The following SLC39A11 variants were observed in gnomAD, a reference collection of about 807,000 sequenced individuals.
The protein encoded by SLC39A11 is solute carrier family 39 member 11.
A neutral mutation model predicts 36.1 loss-of-function variants in SLC39A11; 33 were observed. The observed-to-expected ratio is 0.91, with a 90% confidence interval of 0.69 to 1.22. The LOEUF is 1.22. Ranked by LOEUF, SLC39A11 falls within the 50% of genes most tolerant of loss-of-function variation. The pLI is 0.00. For synonymous variants in SLC39A11, 166 were observed against 170.3 expected (o/e 0.97, Z 0.20); for missense variants, 432 against 430.3 (o/e 1.00, Z -0.03).
At chr17:72,797,669 C>T (rs1403666178) in intron 6 of SLC39A11, among the ~76,000 whole-genome samples, 4 of 152,122 alleles carry the variant, frequency 2.6e-5, no homozygotes, top group African/African-American at 7.3e-5. Context: ...CACTAACTCA[C>T]GGGATGCACA....
chr17:72,909,750 C>CTTT (rs56091262), intron 5 of SLC39A11, among the ~76,000 whole-genome samples: 9,106 of 144,564 alleles, frequency 0.063, 349 homozygotes, highest in Non-Finnish European at 0.078. Flanking sequence ...TTTCTTTTTT[C>CTTT]TTTTTTTTTT....
rs71154945 is a variant in SLC39A11 at position 73,020,680 on chromosome 17, C to CTTTTTTTTTTTT, written c.306+10864_306+10875dup. 3.0e-5 allele frequency among the ~76,000 whole-genome samples: 3 copies of CTTTTTTTTTTTT among 98,890 alleles called. 1 individual carries two copies. Among genetic ancestry groups the CTTTTTTTTTTTT allele is most frequent in the Non-Finnish European group, 1.9e-5 (1 of 53,992 alleles). 64.9% of individuals were successfully genotyped at this position (98,890 alleles called of 152,430 possible). A position where few individuals can be genotyped will look rare whatever the true frequency, so the allele number is the denominator to read the frequency against. On this transcript the variant is annotated intron_variant, in intron 4 of 9. Transcript: ENST00000255559. ...TTTTGGGGGGTCTTTTTGTTTCTTT[C>CTTTTTTTTTTTT]TTTTTTTTTTTTTTTTTTTTTGAGA... is the stretch of plus-strand genomic sequence containing the variant.
chr17:73,024,405 C>T (rs900965684), intron 4 of SLC39A11, among the ~76,000 whole-genome samples: 1 of 150,916 alleles, frequency 6.6e-6, no homozygotes, highest in African/African-American at 2.5e-5. Context: ...GCTTACTTGA[C>T]GATATCAGGC....
intron 6 of SLC39A11, among the ~76,000 whole-genome samples, chr17:72,773,948 T>C (rs1356504871): frequency 6.6e-6 from 1 of 152,136 alleles, no homozygotes. Flanking sequence ...CTGGGAAGCA[T>C]CTATGTTTCC....
chr17:72,814,712 A>T (rs1329226675), intron 6 of SLC39A11, among the ~76,000 whole-genome samples: 1 of 152,228 alleles, frequency 6.6e-6, no homozygotes. Flanking sequence ...TGATTCTAAT[A>T]GCATCTGTGC....
chr17:72,750,685 T>G (rs1412197888), intron 6 of SLC39A11, among the ~76,000 whole-genome samples: 1 of 152,014 alleles, frequency 6.6e-6, no homozygotes, highest in Non-Finnish European at 1.5e-5. Context: ...ATCACTAGTA[T>G]GTTTTGCTAC....
rs572595609 is a variant in SLC39A11, at chr17:72,798,687, T to A, written c.601+50947A>T. The stretch of plus-strand genomic sequence containing the variant: ...GGCATGAACCACCACACCCAGCCTG[T>A]CCCACTTCTTATAAGAACACTAATC... On this transcript the variant is annotated intron_variant, in intron 6 of 9. Transcript: ENST00000255559. 1.9e-4 allele frequency among the ~76,000 whole-genome samples: 29 copies of A among 152,024 alleles called. No individual in the cohort carries two copies. The East Asian group carries it at 5.6e-3, about 29-fold the overall frequency.
chr17:73,028,900 T>C (rs897380874), intron 4 of SLC39A11, among the ~76,000 whole-genome samples: 2 of 151,168 alleles, frequency 1.3e-5, no homozygotes, highest in Admixed American at 1.3e-4. Flanking sequence ...GGAGGATCAC[T>C]TGAGGTCAGG....
At chr17:73,053,546 C>T (rs1356004404) in intron 3 of SLC39A11, among the ~76,000 whole-genome samples, 1 of 152,164 alleles carries the variant, frequency 6.6e-6, no homozygotes, top group African/African-American at 2.4e-5. Context: ...TTCATCTGTA[C>T]AGCAATCCTA....
In SLC39A11 at chr17:72,922,989, AAC is replaced by A. The variant is rs1555633576; in HGVS notation, c.430+24761_430+24762del. Among the ~76,000 whole-genome samples, 40 of 144,558 alleles carry A rather than the reference AAC, an allele frequency of 2.8e-4. 2 individuals carry two copies. The highest frequency in any genetic ancestry group is 4.0e-4 in the East Asian group (2 of 4,960). The allele number at this position is 144,558 out of a possible 152,430, so 94.8% of individuals were successfully genotyped here. On this transcript the variant is annotated intron_variant, in intron 5 of 9. Transcript: ENST00000255559. ...AAAAAAAAAAAAAAAAAAAAAAAAA[AAC>A]ACACAGAAAATACGAAACCCCCTCT...
At chr17:72,688,479 T>C (rs2071859558) in intron 7 of SLC39A11, among the ~76,000 whole-genome samples, 1 of 152,232 alleles carries the variant, frequency 6.6e-6, no homozygotes, top group Non-Finnish European at 1.5e-5. Flanking sequence ...TGCCTTCAGC[T>C]GCCCTCCACT....
chr17:72,786,594 G>A (rs1568090811), intron 6 of SLC39A11, among the ~76,000 whole-genome samples: 1 of 152,084 alleles, frequency 6.6e-6, no homozygotes, highest in South Asian at 2.1e-4. Context: ...TGTTTTTCAG[G>A]ACTGAAGGAC....
intron 4 of SLC39A11, among the ~76,000 whole-genome samples, chr17:72,997,132 T>G (rs1005377406): frequency 2.0e-5 from 3 of 152,082 alleles, no homozygotes; most frequent in Admixed American, 2.0e-4. Flanking sequence ...AATCAATCCT[T>G]CTAGTTGTAT....
intron 5 of SLC39A11, among the ~76,000 whole-genome samples, chr17:72,947,198 C>T (rs992349462): frequency 1.3e-5 from 2 of 152,008 alleles, no homozygotes; most frequent in African/African-American, 4.8e-5. Flanking sequence ...CCTGTAGTCC[C>T]AGCTACTTGA....
chr17:72,951,973 A>C (rs1024315689), intron 4 of SLC39A11, among the ~76,000 whole-genome samples: 2 of 152,092 alleles, frequency 1.3e-5, no homozygotes, highest in African/African-American at 4.8e-5. Context: ...GGAGACGAGC[A>C]CTAAGAAAAT....
At chr17:72,684,766 G>C (rs1402468477) in intron 7 of SLC39A11, among the ~76,000 whole-genome samples, 1 of 152,218 alleles carries the variant, frequency 6.6e-6, no homozygotes, top group Non-Finnish European at 1.5e-5. Context: ...CAGAGAGCTG[G>C]GGAGTGGAGG....
chr17:72,849,791 A>G lies in SLC39A11; in HGVS notation c.444T>C (p.Asn148=), dbSNP rs369301863. 2.6e-6 allele frequency: 4 copies of G among 1,548,018 alleles called. No individual in the cohort carries two copies. The change falls in exon 6 of 10, where the codon AAT becomes AAC. Residue 148 remains asparagine, a synonymous_variant. Coordinates refer to ENST00000255559, the MANE Select transcript of SLC39A11 (RefSeq NM_139177.4). The part of the protein sequence containing the change: ...ELSIRIDKSE[N]GEAYQRKKAA... ...CCTTCTTTCTCTGATATGCCTCACC[A>G]TTCTCACTCTTGTCTGAGCAAAAAA...
chr17:72,870,897 A>G (rs938388884), intron 5 of SLC39A11, among the ~76,000 whole-genome samples: 2 of 152,160 alleles, frequency 1.3e-5, no homozygotes, highest in Admixed American at 6.5e-5. Context: ...TAAGAATTAC[A>G]TATTTTGGTC....
At chr17:72,988,696 C>CTTAT (rs1204356414) in intron 4 of SLC39A11, among the ~76,000 whole-genome samples, 23 of 151,924 alleles carry the variant, frequency 1.5e-4, no homozygotes, top group South Asian at 2.1e-4. Context: ...GTGTTACTTA[C>CTTAT]TTATTTATTT....
Sources: allele counts gnomAD v4.1 joint callset (sites outside exome capture counted in the v4.1 genomes callset), GRCh38; gene constraint gnomAD v4.1.1; transcripts MANE v1.5; gene names NCBI Gene and HGNC (gene_info 2026-07-23, HGNC 2026-07-21).